The following PCDH9 variants were observed in gnomAD, a reference collection of about 807,000 sequenced individuals.
PCDH9 encodes protocadherin-9.
In PCDH9, 24 loss-of-function variants were observed where a neutral mutation model predicts 70.6. The observed-to-expected ratio is 0.34, with a 90% CI of 0.25 to 0.48. The LOEUF (loss-of-function observed/expected upper bound fraction) is 0.48, where lower values mean the gene tolerates loss of function less well. Among genes scored for constraint, PCDH9 ranks in the 20% least tolerant of loss-of-function variants. The pLI, the probability that PCDH9 is intolerant of heterozygous loss-of-function variation, is 0.99. For missense variants in PCDH9, 1,281 were observed against 1,503.6 expected, an observed-to-expected ratio of 0.85 and a Z score of 2.45; for synonymous variants, 562 against 558.5, an observed-to-expected ratio of 1.01 and a Z score of -0.09.
chr13:67,048,003 T>C (rs1393370548), intron 2 of PCDH9, among the ~76,000 whole-genome samples: 2 of 152,188 alleles, frequency 1.3e-5, no homozygotes, highest in African/African-American at 4.8e-5. Flanking sequence ...ATTGTGTTTC[T>C]TTTCAGAAAC....
intron 3 of PCDH9, among the ~76,000 whole-genome samples, chr13:66,689,927 A>C (rs1320253303): frequency 1.3e-5 from 2 of 152,196 alleles, no homozygotes; most frequent in Non-Finnish European, 2.9e-5. Flanking sequence ...CTATGCCTCG[A>C]GATATATCCT....
intron 2 of PCDH9, among the ~76,000 whole-genome samples, chr13:67,110,514 C>CAAAAAAAAAAAAAAAAAA (rs67490405): frequency 1.3e-5 from 1 of 78,674 alleles, no homozygotes; most frequent in African/African-American, 4.8e-5. Flanking sequence ...CACTCCATCT[C>CAAAAAAAAAAAAAAAAAA]AAAAAAAAAA....
chr13:66,682,304 C>A (rs1261261293), intron 3 of PCDH9, among the ~76,000 whole-genome samples: 1 of 152,004 alleles, frequency 6.6e-6, no homozygotes, highest in Non-Finnish European at 1.5e-5. Flanking sequence ...GGCAATATTA[C>A]CTCCTTTATG....
intron 3 of PCDH9, among the ~76,000 whole-genome samples, chr13:66,758,886 T>A (rs553249085): frequency 6.6e-6 from 1 of 152,168 alleles, no homozygotes; most frequent in East Asian, 1.9e-4. Flanking sequence ...TCCATTTCTT[T>A]TTGCTTATCC....
rs1246391058 is a variant in PCDH9 at position 66,717,451 on chromosome 13, C to CAAAA, written c.3139-86044_3139-86041dup. ...TGGGTGACAGAGCAAGACTCTGTCT[C>CAAAA]AAAAAAAAAAAAAAAAAAAAAAAAA... On this transcript the variant is annotated intron_variant, in intron 3 of 4. Coordinates refer to ENST00000377865, the MANE Select transcript of PCDH9 (RefSeq NM_203487.3). Among the ~76,000 whole-genome samples the CAAAA allele has an allele frequency of 2.0e-4, 10 of 50,456 alleles. 1 individual carries two copies. The highest frequency in any genetic ancestry group is 9.7e-4 in the African/African-American group (9 of 9,250). The allele number at this position is 50,456 out of a possible 152,430, so 33.1% of individuals were successfully genotyped here.
chr13:66,744,027 A>C (rs539627394), intron 3 of PCDH9, among the ~76,000 whole-genome samples: 28 of 152,324 alleles, frequency 1.8e-4, no homozygotes, highest in African/African-American at 4.3e-4. Flanking sequence ...GTGCATAAAA[A>C]GATGGCCAGA....
chr13:66,321,040 T>C (rs1283115024), intron 4 of PCDH9, among the ~76,000 whole-genome samples: 2 of 152,046 alleles, frequency 1.3e-5, no homozygotes, highest in African/African-American at 4.8e-5. Flanking sequence ...CAATTGGATA[T>C]GCTACAAACA....
intron 3 of PCDH9, among the ~76,000 whole-genome samples, chr13:66,688,285 T>A (rs2078434048): frequency 6.6e-6 from 1 of 152,154 alleles, no homozygotes; most frequent in African/African-American, 2.4e-5. Context: ...CATTGATGTA[T>A]TCCTAGCTTT....
intron 2 of PCDH9, among the ~76,000 whole-genome samples, chr13:66,943,164 C>G (rs2139686036): frequency 6.6e-6 from 1 of 151,986 alleles, no homozygotes; most frequent in South Asian, 2.1e-4. Context: ...AGGTTGTTAC[C>G]TTCATATGCA....
chr13:66,904,669 A>G (rs908570726), intron 2 of PCDH9, among the ~76,000 whole-genome samples: 4 of 152,008 alleles, frequency 2.6e-5, no homozygotes, highest in South Asian at 2.1e-4. Flanking sequence ...TTACTATCTC[A>G]AAGTAAAATC....
chr13:66,427,482 A>T (rs571281197), intron 4 of PCDH9, among the ~76,000 whole-genome samples: 3 of 151,834 alleles, frequency 2.0e-5, no homozygotes, highest in African/African-American at 7.2e-5. Flanking sequence ...TTACATAGAC[A>T]TGTGTTTTGT....
At chr13:67,161,650 T>C (rs148588603) in intron 2 of PCDH9, among the ~76,000 whole-genome samples, 1 of 152,300 alleles carries the variant, frequency 6.6e-6, no homozygotes, top group African/African-American at 2.4e-5. Flanking sequence ...CTGTTGACCG[T>C]AGAATGTACC....
In PCDH9 at chr13:66,979,949, T is replaced by G. The variant is rs59647608; in HGVS notation, c.3037-76344A>C. On this transcript the variant is annotated intron_variant, in intron 2 of 4. Coordinates refer to ENST00000377865, the MANE Select transcript of PCDH9 (RefSeq NM_203487.3). ...CTTTCTTTCCTATCTAATTCTTTAT[T>G]TAACTACTGACTGATGAAATTTCTC... Among the ~76,000 whole-genome samples, 1,235 of 151,964 alleles carry G rather than the reference T, an allele frequency of 8.1e-3. 24 individuals are homozygous for G. The highest frequency in any genetic ancestry group is 0.029 in the African/African-American group (1,187 of 41,274).
intron 2 of PCDH9, among the ~76,000 whole-genome samples, chr13:67,022,106 CTTTTTTTTTTTTTTTTTTT>C (rs71110623): frequency 5.4e-4 from 19 of 35,408 alleles, no homozygotes; most frequent in Admixed American, 9.6e-4. Flanking sequence ...AGGTGATGTT[CTTTTTTTTTTTTTTTTTTT>C]TTTTTTTTTT....
intron 4 of PCDH9, among the ~76,000 whole-genome samples, chr13:66,393,013 A>C (rs1193245253): frequency 6.6e-6 from 1 of 152,144 alleles, no homozygotes; most frequent in Non-Finnish European, 1.5e-5. Context: ...GATAGAAATT[A>C]AAACACTGTC....
intron 2 of PCDH9, among the ~76,000 whole-genome samples, chr13:67,197,175 G>T (rs1216996593): frequency 6.6e-6 from 1 of 151,938 alleles, no homozygotes; most frequent in Non-Finnish European, 1.5e-5. Context: ...TGTTTGGCTA[G>T]CTCTATCTGG....
At chr13:66,615,112 A>G (rs988164280) in intron 4 of PCDH9, among the ~76,000 whole-genome samples, 2 of 152,250 alleles carry the variant, frequency 1.3e-5, no homozygotes, top group Non-Finnish European at 2.9e-5. Context: ...GGCGCTAAGA[A>G]CATAAAGTAC....
At chr13:66,947,291 A>T (rs2083103742) in intron 2 of PCDH9, among the ~76,000 whole-genome samples, 1 of 152,226 alleles carries the variant, frequency 6.6e-6, no homozygotes, top group East Asian at 1.9e-4. Context: ...AAATAGCCAT[A>T]TAATAACAAA....
intron 3 of PCDH9, among the ~76,000 whole-genome samples, chr13:66,681,661 C>CT (rs2078321630): frequency 6.6e-6 from 1 of 152,216 alleles, no homozygotes; most frequent in East Asian, 1.9e-4. Flanking sequence ...CTTTGCCTGA[C>CT]TGCTTCCTTT....
Sources: allele counts gnomAD v4.1 joint callset (sites outside exome capture counted in the v4.1 genomes callset), GRCh38; gene constraint gnomAD v4.1.1; transcripts MANE v1.5; gene names NCBI Gene and HGNC (gene_info 2026-07-23, HGNC 2026-07-21).